The following DNAJC3 variants were observed in gnomAD, a reference collection of about 807,000 sequenced individuals.
DNAJC3 encodes the protein DnaJ heat shock protein family (Hsp40) member C3.
DNAJC3 carries 38 observed loss-of-function variants against 68.6 expected under a neutral mutation model. The ratio of observed to expected loss-of-function variants is 0.55; its 90% CI spans 0.43 to 0.73. The LOEUF is 0.73. DNAJC3 is among the 30% of genes least tolerant of loss of function. The pLI is 0.00. For missense variants in DNAJC3, 526 were observed against 591.9 expected (o/e 0.89, Z 1.16); for synonymous variants, 203 against 204.0 (o/e 1.00, Z 0.04).
At chr13:95,784,391 G>T (rs1883536017) in intron 9 of DNAJC3, among the ~76,000 whole-genome samples, 1 of 152,112 alleles carries the variant, frequency 6.6e-6, no homozygotes, top group African/African-American at 2.4e-5. Context: ...AAAATCTGGA[G>T]GAAACCAGGC....
chr13:95,702,759 T>C (rs1277470451), intron 1 of DNAJC3, among the ~76,000 whole-genome samples: 2 of 152,210 alleles, frequency 1.3e-5, no homozygotes, highest in African/African-American at 2.4e-5. Flanking sequence ...ATTTTTGTTA[T>C]AGCAGCCTGA....
chr13:95,702,416 C>T (rs1372101352), intron 1 of DNAJC3, among the ~76,000 whole-genome samples: 1 of 152,220 alleles, frequency 6.6e-6, no homozygotes. Flanking sequence ...ACCAGTACAA[C>T]AAAGCAACTT....
At chr13:95,735,233 G>C (rs1238168456) in intron 4 of DNAJC3, among the ~76,000 whole-genome samples, 1 of 122,834 alleles carries the variant, frequency 8.1e-6, no homozygotes, top group Non-Finnish European at 1.7e-5. Context: ...TTGGACATTT[G>C]GGTTGGTTCC....
intron 9 of DNAJC3, among the ~76,000 whole-genome samples, chr13:95,782,074 G>A (rs1883471723): frequency 6.6e-6 from 1 of 152,110 alleles, no homozygotes; most frequent in African/African-American, 2.4e-5. Flanking sequence ...CTGTTCCTGT[G>A]TTAGTTTGCT....
In DNAJC3 at chr13:95,760,090, A is replaced by T; in HGVS notation, c.597A>T (p.Ile199=). 6.2e-7 allele frequency: 1 copy of T among 1,611,546 alleles called. No individual in the cohort carries two copies. The highest frequency in any genetic ancestry group is 8.5e-7 in the Non-Finnish European group (1 of 1,178,622). Residue 199 remains isoleucine, a synonymous_variant, in exon 6 of 12, where the codon ATA becomes ATT. Transcript: ENST00000602402. ...ELRELRAECF[I]KEGEPRKAIS... is the part of the protein sequence containing the mutation. ...GGGAACTTCGAGCTGAATGTTTTAT[A>T]AAAGAAGGAGAACCTAGGAAAGCTA...
At chr13:95,717,664 A>G (rs1881195143) in intron 2 of DNAJC3, among the ~76,000 whole-genome samples, 1 of 152,212 alleles carries the variant, frequency 6.6e-6, no homozygotes, top group Non-Finnish European at 1.5e-5. Context: ...GGTTCCCCCC[A>G]TACTGTTCTC....
chr13:95,722,481 T>C (rs1480446475), intron 2 of DNAJC3, among the ~76,000 whole-genome samples: 1 of 151,896 alleles, frequency 6.6e-6, no homozygotes, highest in Non-Finnish European at 1.5e-5. Context: ...TAACAAAAGT[T>C]ATGAGTTGAG....
At position 95,788,065 on chromosome 13, in the gene DNAJC3, TC is replaced by T. The variant is rs1368581491; in HGVS notation, c.1357+912del. ...ATGCAGTGGAATTGAAAGTAAATGA[TC>T]CTTTGTTTTCAAGTAATTTATAATC... On this transcript the variant is annotated intron_variant, in intron 11 of 11. Coordinates refer to ENST00000602402, the MANE Select transcript of DNAJC3 (RefSeq NM_006260.5). 4.6e-5 allele frequency among the ~76,000 whole-genome samples: 7 copies of T among 152,198 alleles called. No homozygotes were observed. The East Asian group carries it at 1.4e-3, about 29-fold the overall frequency.
At chr13:95,728,379 G>A (rs1366184521) in intron 4 of DNAJC3, among the ~76,000 whole-genome samples, 6 of 152,146 alleles carry the variant, frequency 3.9e-5, no homozygotes, top group Non-Finnish European at 7.4e-5. Context: ...TCTCATAGAT[G>A]TGTTACTATA....
chr13:95,717,738 CTT>C (rs895753480), intron 2 of DNAJC3, among the ~76,000 whole-genome samples: 23 of 152,298 alleles, frequency 1.5e-4, no homozygotes, highest in African/African-American at 4.6e-4. Context: ...CTCATTCTCT[CTT>C]GTCTGCTGCC....
At chr13:95,751,451 T>C (rs1037066575) in intron 4 of DNAJC3, among the ~76,000 whole-genome samples, 51 of 152,318 alleles carry the variant, frequency 3.3e-4, no homozygotes, top group African/African-American at 1.2e-3. Context: ...GGCCAGTTGT[T>C]TACTGTCTGT....
chr13:95,733,094 G>T (rs951679597), intron 4 of DNAJC3, among the ~76,000 whole-genome samples: 3 of 152,118 alleles, frequency 2.0e-5, no homozygotes, highest in African/African-American at 7.2e-5. Flanking sequence ...CTGATGAGCA[G>T]TATGTATATT....
intron 2 of DNAJC3, among the ~76,000 whole-genome samples, chr13:95,714,503 A>G (rs1256509757): frequency 1.3e-5 from 2 of 152,068 alleles, no homozygotes; most frequent in Non-Finnish European, 2.9e-5. Flanking sequence ...TTCTAAAAAC[A>G]GGTTTGCTAT....
At chr13:95,758,627 A>G (rs2139673742) in intron 5 of DNAJC3, among the ~76,000 whole-genome samples, 1 of 152,162 alleles carries the variant, frequency 6.6e-6, no homozygotes, top group Middle Eastern at 3.4e-3. Context: ...CAAAAAAAAA[A>G]AAAAAAGTTA....
At chr13:95,777,295 G>A (rs1314892878) in intron 9 of DNAJC3, among the ~76,000 whole-genome samples, 1 of 152,150 alleles carries the variant, frequency 6.6e-6, no homozygotes, top group Non-Finnish European at 1.5e-5. Context: ...CGTCCAAAGA[G>A]CCCTTATCTT....
chr13:95,708,994 G>C (rs889996710), intron 1 of DNAJC3, among the ~76,000 whole-genome samples: 1 of 151,914 alleles, frequency 6.6e-6, no homozygotes, highest in African/African-American at 2.4e-5. Context: ...TTCTGGACTG[G>C]TTACATTCTT....
chr13:95,777,154 A>G (rs1468522417), intron 9 of DNAJC3, among the ~76,000 whole-genome samples: 1 of 152,174 alleles, frequency 6.6e-6, no homozygotes, highest in Non-Finnish European at 1.5e-5. Context: ...TTATATCTGA[A>G]TGATAGCGTG....
intron 9 of DNAJC3, among the ~76,000 whole-genome samples, chr13:95,783,706 C>T (rs1320953202): frequency 1.3e-5 from 2 of 152,148 alleles, no homozygotes; most frequent in Admixed American, 6.5e-5. Flanking sequence ...CGTTTCTGTA[C>T]GTAGTGTGTA....
intron 9 of DNAJC3, among the ~76,000 whole-genome samples, chr13:95,778,493 A>G (rs1883348234): frequency 1.3e-5 from 2 of 152,252 alleles, no homozygotes; most frequent in African/African-American, 2.4e-5. Context: ...AAAAAATGGA[A>G]TATTACTCAG....
Sources: gnomAD v4.1 joint callset for allele counts (sites outside exome capture counted in the v4.1 genomes callset) on GRCh38, gnomAD v4.1.1 for gene constraint, MANE v1.5 for transcripts, NCBI Gene and HGNC (gene_info 2026-07-23, HGNC 2026-07-21) for gene names.